POC1A: variants seen among roughly 807,000 people sequenced by gnomAD.
The protein encoded by POC1A is POC1 centriolar protein A, also known as POC1 centriolar protein homolog A.
Under a neutral mutation model 47.8 loss-of-function variants are expected in POC1A, and 34 were observed. The ratio of observed to expected loss-of-function variants is 0.71; its 90% CI spans 0.54 to 0.95. The LOEUF (loss-of-function observed/expected upper bound fraction) is 0.95, where lower values mean the gene tolerates loss of function less well. Among genes scored for constraint, POC1A ranks in the 40% least tolerant of loss-of-function variants. The pLI, the probability that POC1A is intolerant of heterozygous loss-of-function variation, is 0.00. For synonymous variants in POC1A, 177 were observed against 207.6 expected, an observed-to-expected ratio of 0.85 and a Z score of 1.27; for missense variants, 466 against 528.3, an observed-to-expected ratio of 0.88 and a Z score of 1.16.
chr3:52,089,928 A>G (rs1012159096), intron 10 of POC1A, among the ~76,000 whole-genome samples: 1 of 140,344 alleles, frequency 7.1e-6, no homozygotes, highest in Admixed American at 7.9e-5. Flanking sequence ...TCACCTGAGC[A>G]GCCCGTCAAA....
chr3:52,143,158 C>A (rs1050320779), intron 6 of POC1A, among the ~76,000 whole-genome samples: 1 of 152,026 alleles, frequency 6.6e-6, no homozygotes, highest in Non-Finnish European at 1.5e-5. Context: ...ACACTGCAGG[C>A]CCACTGAGAG....
chr3:52,139,923 T>C (rs943136391), intron 6 of POC1A, among the ~76,000 whole-genome samples: 1 of 152,142 alleles, frequency 6.6e-6, no homozygotes, highest in Admixed American at 6.6e-5. Context: ...TAGGGTGCCT[T>C]CTGAGGAAAA....
intron 7 of POC1A, among the ~76,000 whole-genome samples, chr3:52,134,008 A>T (rs1210667273): frequency 1.3e-5 from 2 of 152,254 alleles, no homozygotes; most frequent in South Asian, 2.1e-4. Flanking sequence ...CCTGCGTCCA[A>T]ACCAAAGTTT....
intron 6 of POC1A, among the ~76,000 whole-genome samples, chr3:52,140,372 G>A (rs1199018939): frequency 6.6e-6 from 1 of 152,222 alleles, no homozygotes; most frequent in Non-Finnish European, 1.5e-5. Flanking sequence ...CCCCCCACCA[G>A]AAAGTCTGCA....
intron 10 of POC1A, among the ~76,000 whole-genome samples, chr3:52,092,659 AAAC>A (rs1240419454): frequency 6.6e-6 from 1 of 152,202 alleles, no homozygotes; most frequent in African/African-American, 2.4e-5. Flanking sequence ...TTTTCATCTA[AAAC>A]AACTACGTGG....
intron 4 of POC1A, 43 bp from the exon 5 acceptor site, chr3:52,147,138 G>T: frequency 1.4e-6 from 2 of 1,448,634 alleles, no homozygotes; most frequent in Non-Finnish European, 1.9e-6. Flanking sequence ...ACTAACAGAC[G>T]ACATGGGCAC....
intron 7 of POC1A, among the ~76,000 whole-genome samples, chr3:52,127,515 C>T (rs1243699882): frequency 4.6e-5 from 7 of 151,670 alleles, no homozygotes; most frequent in Non-Finnish European, 5.9e-5. Context: ...CTCAGCCTCC[C>T]GAGTAGCTGG....
intron 9 of POC1A, among the ~76,000 whole-genome samples, chr3:52,107,946 G>A (rs924125349): frequency 5.3e-5 from 8 of 152,122 alleles, no homozygotes; most frequent in Non-Finnish European, 8.8e-5. Context: ...GAATCCTACC[G>A]ATGCATTTAT....
At chr3:52,083,981 G>A (rs1035294289) in intron 10 of POC1A, among the ~76,000 whole-genome samples, 3 of 152,216 alleles carry the variant, frequency 2.0e-5, no homozygotes, top group African/African-American at 7.2e-5. Flanking sequence ...AGGGCCCTCA[G>A]CTCGAAACAG....
At chr3:52,153,374 G>T (rs1213283667) in intron 1 of POC1A, among the ~76,000 whole-genome samples, 1 of 152,208 alleles carries the variant, frequency 6.6e-6, no homozygotes, top group Non-Finnish European at 1.5e-5. Flanking sequence ...TGTCCTTGGG[G>T]CACAGCAAAG....
chr3:52,132,920 C>G (rs906006394), intron 7 of POC1A, among the ~76,000 whole-genome samples: 23 of 151,878 alleles, frequency 1.5e-4, no homozygotes, highest in African/African-American at 5.6e-4. Context: ...GTGGCGTGCA[C>G]GTGTAATCCC....
chr3:52,114,728 A>G (rs1262321416), intron 9 of POC1A, among the ~76,000 whole-genome samples: 1 of 152,180 alleles, frequency 6.6e-6, no homozygotes, highest in Non-Finnish European at 1.5e-5. Flanking sequence ...TTCCCCCAGG[A>G]GCCAGAGATG....
At chr3:52,098,418 A>G (rs1702890457) in intron 9 of POC1A, among the ~76,000 whole-genome samples, 1 of 152,220 alleles carries the variant, frequency 6.6e-6, no homozygotes, top group African/African-American at 2.4e-5. Context: ...CTGGAAGCAC[A>G]GTGGATGCTG....
chr3:52,132,201 C>T (rs891953654), intron 7 of POC1A, among the ~76,000 whole-genome samples: 5 of 152,160 alleles, frequency 3.3e-5, no homozygotes, highest in African/African-American at 1.2e-4. Context: ...CAAGGTCTTG[C>T]CCAATGTCAC....
chr3:52,132,905 G>A (rs1704280778), intron 7 of POC1A, among the ~76,000 whole-genome samples: 1 of 152,104 alleles, frequency 6.6e-6, no homozygotes, highest in African/African-American at 2.4e-5. Context: ...AATTAGCCGG[G>A]CATGGTGGCG....
intron 1 of POC1A, among the ~76,000 whole-genome samples, chr3:52,152,724 A>G (rs1698597752): frequency 6.6e-6 from 1 of 152,244 alleles, no homozygotes; most frequent in African/African-American, 2.4e-5. Context: ...TCAGAGCAGC[A>G]TTTTCCTTAA....
chr3:52,138,368 G>C (rs149466665), intron 6 of POC1A, 66 bp from the exon 7 acceptor site: 1 of 1,519,016 alleles, frequency 6.6e-7, no homozygotes, highest in Admixed American at 1.9e-5. Context: ...AGCCCAAGAC[G>C]GGCAATCAGG....
intron 9 of POC1A, among the ~76,000 whole-genome samples, chr3:52,121,272 G>A (rs563985530): frequency 6.6e-6 from 1 of 152,326 alleles, no homozygotes; most frequent in South Asian, 2.1e-4. Flanking sequence ...CCTCAACCCT[G>A]CAGTGTGAAA....
At chr3:52,125,450 G>C (rs1362325242) in intron 7 of POC1A, among the ~76,000 whole-genome samples, 1 of 152,156 alleles carries the variant, frequency 6.6e-6, no homozygotes, top group African/African-American at 2.4e-5. Context: ...GAATGGGACA[G>C]TCTGCACTGG....
Sources: allele counts gnomAD v4.1 joint callset (sites outside exome capture counted in the v4.1 genomes callset), GRCh38; gene constraint gnomAD v4.1.1; transcripts MANE v1.5; gene names NCBI Gene and HGNC (gene_info 2026-07-23, HGNC 2026-07-21).